The following TBC1D15 variants were observed in gnomAD, a reference collection of about 807,000 sequenced individuals.
TBC1D15 encodes the protein GAP for RAB7.
Under a neutral mutation model 95.4 loss-of-function variants are expected in TBC1D15, and 39 were observed. The ratio of observed to expected loss-of-function variants is 0.41; its 90% CI spans 0.32 to 0.53. The LOEUF (loss-of-function observed/expected upper bound fraction) is 0.53. Ranked by LOEUF, TBC1D15 falls within the 20% of genes least tolerant of loss-of-function variation. The pLI is 0.29. For synonymous variants in TBC1D15, 258 were observed against 261.3 expected (o/e 0.99, Z 0.12); for missense variants, 733 against 794.3 (o/e 0.92, Z 0.93).
intron 1 of TBC1D15, among the ~76,000 whole-genome samples, chr12:71,866,459 A>G (rs1340971525): frequency 6.6e-6 from 1 of 152,152 alleles, no homozygotes; most frequent in Non-Finnish European, 1.5e-5. Context: ...TCCTTGCTTT[A>G]GGAAGAAGTT....
intron 1 of TBC1D15, among the ~76,000 whole-genome samples, chr12:71,845,567 G>A (rs1466569192): frequency 6.6e-6 from 1 of 152,178 alleles, no homozygotes; most frequent in Non-Finnish European, 1.5e-5. Context: ...ATACCAAGTA[G>A]GTGCTTAGAT....
chr12:71,849,179 CA>C (rs1015053782), intron 1 of TBC1D15: 2,460 of 186,822 alleles, frequency 0.013, 26 homozygotes, highest in African/African-American at 0.037. Flanking sequence ...AAAAAAAAAA[CA>C]AAAAAAAAAC....
At chr12:71,898,044 A>G in intron 10 of TBC1D15, 103 bp downstream of exon 10, 1 of 797,476 alleles carries the variant, frequency 1.3e-6, no homozygotes, top group Non-Finnish European at 2.1e-6. Flanking sequence ...TAGGGCTCAA[A>G]AGAGAAATCA....
At chr12:71,898,379 C>CAGAA (rs1898638725) in intron 10 of TBC1D15, among the ~76,000 whole-genome samples, 1 of 151,982 alleles carries the variant, frequency 6.6e-6, no homozygotes, top group African/African-American at 2.4e-5. Context: ...TATATCCCTT[C>CAGAA]AGAACTTCTT....
intron 16 of TBC1D15, among the ~76,000 whole-genome samples, chr12:71,922,579 A>G (rs1444942482): frequency 6.6e-6 from 1 of 152,198 alleles, no homozygotes; most frequent in Non-Finnish European, 1.5e-5. Flanking sequence ...CAGTTCTACA[A>G]ACATTTATTT....
intron 1 of TBC1D15, among the ~76,000 whole-genome samples, chr12:71,871,567 G>GAA (rs140332520): frequency 3.4e-4 from 52 of 151,016 alleles, no homozygotes; most frequent in Non-Finnish European, 6.6e-4. Context: ...TAATGCTCAT[G>GAA]AAAAAAAAAT....
intron 1 of TBC1D15, among the ~76,000 whole-genome samples, chr12:71,853,651 C>G (rs995855350): frequency 3.9e-5 from 6 of 152,054 alleles, no homozygotes; most frequent in Non-Finnish European, 1.5e-5. Flanking sequence ...GTTGAATTCT[C>G]TTTTTGGGTG....
Position 71,867,718 on chromosome 12 carries a change from G to A in TBC1D15, c.31-4352G>A, listed in dbSNP as rs145162092. Among the ~76,000 whole-genome samples the A allele has an allele frequency of 2.8e-3, 429 of 152,286 alleles. 3 individuals carry two copies. The highest frequency in any genetic ancestry group is 4.8e-3 in the Non-Finnish European group (327 of 68,008). ...TGCCCAGGCTGGTCTGGAACTCCTGGGCTCAAGCAGTCCTCTCATTTTGGC... is the reference window on the plus strand; with the variant it reads ...TGCCCAGGCTGGTCTGGAACTCCTGAGCTCAAGCAGTCCTCTCATTTTGGC... On this transcript the variant is annotated intron_variant, in intron 1 of 16. Transcript: ENST00000485960.
chr12:71,901,433 G>T (rs1351103047), intron 10 of TBC1D15, among the ~76,000 whole-genome samples: 1 of 152,112 alleles, frequency 6.6e-6, no homozygotes, highest in Non-Finnish European at 1.5e-5. Context: ...ATTTTGAGAT[G>T]CCTATATTGA....
chr12:71,922,916 G>C, intron 16 of TBC1D15, 67 bp from the exon 17 acceptor site: 1 of 1,417,342 alleles, frequency 7.1e-7, no homozygotes, highest in Non-Finnish European at 9.9e-7. Flanking sequence ...TTAAACAGAA[G>C]TGTTACTTTG....
chr12:71,922,318 C>A (rs1869707793), intron 16 of TBC1D15, among the ~76,000 whole-genome samples: 1 of 152,056 alleles, frequency 6.6e-6, no homozygotes, highest in South Asian at 2.1e-4. Context: ...TTCCTGACTT[C>A]AGGTGATCCA....
At chr12:71,851,317 C>T (rs1296600747) in intron 1 of TBC1D15, among the ~76,000 whole-genome samples, 1 of 152,070 alleles carries the variant, frequency 6.6e-6, no homozygotes, top group African/African-American at 2.4e-5. Flanking sequence ...TCCCCCCAGG[C>T]CCCACCTCCA....
intron 4 of TBC1D15, among the ~76,000 whole-genome samples, chr12:71,881,860 G>T (rs1426203235): frequency 6.8e-6 from 1 of 148,036 alleles, no homozygotes; most frequent in African/African-American, 2.5e-5. Flanking sequence ...AGAGGTTGCA[G>T]TGAGCCGAGA....
At chr12:71,855,778 A>C (rs1410283220) in intron 1 of TBC1D15, among the ~76,000 whole-genome samples, 1 of 150,964 alleles carries the variant, frequency 6.6e-6, no homozygotes, top group Non-Finnish European at 1.5e-5. Flanking sequence ...TATCATAATC[A>C]CTTTCTTGCA....
rs748678043 is a variant in TBC1D15 at position 71,923,124 on chromosome 12, C to G, written c.1945C>G (p.Leu649Val). The change falls in exon 17 of 17, where the codon CTC (leucine) becomes GTC (valine). Residue 649 changes from leucine to valine, a missense_variant. Coordinates refer to ENST00000485960, the MANE Select transcript of TBC1D15 (RefSeq NM_001146213.3). ...ATTTCAAAGTAATGCCTTGCCTACA[C>G]TCTCTGCCAGTGGAGCCAGAAATGA... ...SAFQSNALPT[L>V]SASGARNDSP... 6.2e-7 allele frequency: 1 copy of G among 1,614,204 alleles called. No homozygotes were observed. The highest frequency in any genetic ancestry group is 2.2e-5 in the East Asian group (1 of 44,882).
At chr12:71,883,437 A>C (rs1458130146) in intron 4 of TBC1D15, among the ~76,000 whole-genome samples, 1 of 152,172 alleles carries the variant, frequency 6.6e-6, no homozygotes, top group Non-Finnish European at 1.5e-5. Flanking sequence ...GTATATAGAT[A>C]AGTTACTTTA....
intron 4 of TBC1D15, among the ~76,000 whole-genome samples, chr12:71,883,215 C>CT (rs1895570894): frequency 1.3e-5 from 2 of 151,004 alleles, no homozygotes; most frequent in African/African-American, 2.4e-5. Flanking sequence ...TCTAGGTAGT[C>CT]TAAGTACATT....
At chr12:71,899,695 A>AT (rs1467770043) in intron 10 of TBC1D15, among the ~76,000 whole-genome samples, 1 of 152,184 alleles carries the variant, frequency 6.6e-6, no homozygotes, top group African/African-American at 2.4e-5. Context: ...TTTTAAAATC[A>AT]TTTTTACTGC....
intron 1 of TBC1D15, among the ~76,000 whole-genome samples, chr12:71,845,249 C>T (rs1036658431): frequency 6.6e-6 from 1 of 152,018 alleles, no homozygotes; most frequent in African/African-American, 2.4e-5. Flanking sequence ...TGTGGTATAA[C>T]CAGATGGACA....
Sources: allele counts gnomAD v4.1 joint callset (sites outside exome capture counted in the v4.1 genomes callset), GRCh38; gene constraint gnomAD v4.1.1; transcripts MANE v1.5; gene names NCBI Gene and HGNC (gene_info 2026-07-23, HGNC 2026-07-21).